The following AGTPBP1 variants were observed in gnomAD, a reference collection of about 807,000 sequenced individuals.
AGTPBP1 encodes the protein cytosolic carboxypeptidase 1.
AGTPBP1 carries 70 observed loss-of-function variants against 143.9 expected under a neutral mutation model. The observed-to-expected ratio is 0.49, with a 90% CI of 0.40 to 0.59. AGTPBP1 has a LOEUF of 0.59. AGTPBP1 is among the 20% of genes least tolerant of loss of function. The pLI is 0.00. For synonymous variants in AGTPBP1, 463 were observed against 500.2 expected, an observed-to-expected ratio of 0.93 and a Z score of 0.99; for missense variants, 1,229 against 1,464.5, an observed-to-expected ratio of 0.84 and a Z score of 2.62.
chr9:85,743,128 C>T (rs1171141424), upstream of AGTPBP1, among the ~76,000 whole-genome samples: 2 of 152,118 alleles, frequency 1.3e-5, no homozygotes, highest in Non-Finnish European at 2.9e-5. Context: ...ACCACCACCC[C>T]AAACCACCCA....
intron 20 of AGTPBP1, among the ~76,000 whole-genome samples, chr9:85,588,888 C>T (rs535194433): frequency 1.1e-4 from 16 of 152,128 alleles, no homozygotes; most frequent in African/African-American, 3.9e-4. Context: ...CTTACAGTTG[C>T]TCTGATAAGC....
the AGTPBP1 span, among the ~76,000 whole-genome samples, chr9:85,805,068 A>AC: frequency 6.6e-6 from 1 of 151,830 alleles, no homozygotes; most frequent in Non-Finnish European, 1.5e-5. Flanking sequence ...CTTCCCTGTG[A>AC]CCCCGAAGAC....
At chr9:85,626,087 A>C (rs1449891362) in intron 14 of AGTPBP1, among the ~76,000 whole-genome samples, 1 of 152,034 alleles carries the variant, frequency 6.6e-6, no homozygotes, top group African/African-American at 2.4e-5. Flanking sequence ...ATAAGAGATA[A>C]ATTTAATTTT....
the AGTPBP1 span, among the ~76,000 whole-genome samples, chr9:85,755,052 G>A: frequency 6.6e-6 from 1 of 152,192 alleles, no homozygotes; most frequent in Non-Finnish European, 1.5e-5. Flanking sequence ...TTAGGCTCCA[G>A]TGTTATCTGG....
chr9:85,665,437 C>T (rs1274303552), intron 8 of AGTPBP1, among the ~76,000 whole-genome samples: 1 of 152,158 alleles, frequency 6.6e-6, no homozygotes, highest in African/African-American at 2.4e-5. Context: ...GGACTTCCAG[C>T]CTCTGGAACT....
At chr9:85,774,852 C>G in the AGTPBP1 span, among the ~76,000 whole-genome samples, 2 of 152,190 alleles carry the variant, frequency 1.3e-5, no homozygotes, top group Admixed American at 6.5e-5. Flanking sequence ...TAATTAGCAA[C>G]CAGTTGCCTA....
chr9:85,591,786 C>G (rs1412446776), intron 19 of AGTPBP1, among the ~76,000 whole-genome samples: 1 of 152,038 alleles, frequency 6.6e-6, no homozygotes, highest in African/African-American at 2.4e-5. Context: ...ATTTTCTCCT[C>G]TCTAATAATT....
chr9:85,566,465 G>A (rs563842091), intron 25 of AGTPBP1, among the ~76,000 whole-genome samples: 159 of 148,302 alleles, frequency 1.1e-3, no homozygotes, highest in African/African-American at 3.8e-3. Flanking sequence ...AGGAGGTTGA[G>A]GCTGCAGTGA....
intron 14 of AGTPBP1, among the ~76,000 whole-genome samples, chr9:85,627,398 T>A (rs1471082191): frequency 2.6e-5 from 4 of 152,188 alleles, no homozygotes; most frequent in African/African-American, 9.7e-5. Flanking sequence ...CAAGCATTTC[T>A]GCCATACACA....
chr9:85,737,716 C>A (rs929003872), intron 1 of AGTPBP1, among the ~76,000 whole-genome samples: 7 of 152,168 alleles, frequency 4.6e-5, no homozygotes, highest in Non-Finnish European at 8.8e-5. Flanking sequence ...AAAGTTCCAA[C>A]CAATGGGTTT....
At chr9:85,679,133 G>T in intron 4 of AGTPBP1, among the ~76,000 whole-genome samples, 1 of 152,056 alleles carries the variant, frequency 6.6e-6, no homozygotes, top group South Asian at 2.1e-4. Flanking sequence ...AAGAATATGG[G>T]CCTTTATTTT....
chr9:85,663,346 A>G (rs1026093556), intron 8 of AGTPBP1, among the ~76,000 whole-genome samples: 2 of 152,076 alleles, frequency 1.3e-5, no homozygotes, highest in African/African-American at 4.8e-5. Context: ...AATCCTCATA[A>G]CTCATGGGGT....
At chr9:85,555,862 A>T (rs1234521293) in intron 25 of AGTPBP1, among the ~76,000 whole-genome samples, 1 of 152,252 alleles carries the variant, frequency 6.6e-6, no homozygotes, top group Non-Finnish European at 1.5e-5. Flanking sequence ...GAAATAGAGG[A>T]AGAAATGAAG....
In AGTPBP1 at chr9:85,678,325, A is replaced by G. The variant is rs768386263; in HGVS notation, c.289+10T>C. On this transcript the variant is annotated intron_variant, in intron 5 of 25. Transcript: ENST00000357081. ...GAAACAGAAATTAGACCAAAGAAAC[A>G]AAAACTTACCAGCTGACACCAGCTC... The G allele has an allele frequency of 6.3e-7, 1 of 1,584,060 alleles. No individual in the cohort carries two copies. The highest frequency in any genetic ancestry group is 2.3e-5 in the East Asian group (1 of 44,382).
chr9:85,775,550 A>T, the AGTPBP1 span, among the ~76,000 whole-genome samples: 1 of 147,298 alleles, frequency 6.8e-6, no homozygotes, highest in South Asian at 2.1e-4. Flanking sequence ...TATAAAATAT[A>T]TAGGATATAT....
At chr9:85,689,925 A>AAATATATATAT (rs58719163) in intron 3 of AGTPBP1, among the ~76,000 whole-genome samples, 2 of 72,510 alleles carry the variant, frequency 2.8e-5, no homozygotes, top group Non-Finnish European at 4.8e-5. Context: ...AAAAAAAAAA[A>AAATATATATAT]ATATATATAT....
At chr9:85,574,942 C>T (rs1827799926) in intron 25 of AGTPBP1, among the ~76,000 whole-genome samples, 1 of 152,146 alleles carries the variant, frequency 6.6e-6, no homozygotes, top group Admixed American at 6.5e-5. Flanking sequence ...CTCCTGACCT[C>T]AGGTGATCCA....
intron 25 of AGTPBP1, among the ~76,000 whole-genome samples, chr9:85,563,124 C>T (rs1056302776): frequency 1.3e-5 from 2 of 152,154 alleles, no homozygotes; most frequent in African/African-American, 4.8e-5. Flanking sequence ...ATAAGGTATC[C>T]AGTGTACGGT....
chr9:85,704,727 A>G (rs1455538601), intron 2 of AGTPBP1, among the ~76,000 whole-genome samples: 1 of 152,236 alleles, frequency 6.6e-6, no homozygotes, highest in Non-Finnish European at 1.5e-5. Context: ...CCAGGCATGC[A>G]CAGAAACAGG....
Sources: allele counts gnomAD v4.1 joint callset (sites outside exome capture counted in the v4.1 genomes callset), GRCh38; gene constraint gnomAD v4.1.1; transcripts MANE v1.5; gene names NCBI Gene and HGNC (gene_info 2026-07-23, HGNC 2026-07-21).